Variants in ANO4 observed in about 807,000 individuals in gnomAD.
ANO4 encodes anoctamin 4.
ANO4 carries 69 observed loss-of-function variants against 141.9 expected under a neutral mutation model. The observed-to-expected ratio is 0.49, with a 90% CI of 0.40 to 0.59. ANO4 has a LOEUF of 0.59. Among genes scored for constraint, ANO4 ranks in the 20% least tolerant of loss-of-function variants. The probability of loss-of-function intolerance (pLI) is 0.00; values close to 1 mark genes in which losing one functional copy is unlikely to be tolerated. For synonymous variants in ANO4, 350 were observed against 394.3 expected (o/e 0.89, Z 1.33); for missense variants, 894 against 1,162.2 (o/e 0.77, Z 3.36).
intron 1 of ANO4, among the ~76,000 whole-genome samples, chr12:100,726,960 A>ACCCCCCCCCCC (rs535734069): frequency 2.1e-5 from 3 of 141,704 alleles, no homozygotes; most frequent in East Asian, 4.6e-4. Flanking sequence ...TTGCCCCGGG[A>ACCCCCCCCCCC]CCCCCCCCGC....
At chr12:100,760,006 G>A (rs1307261667) in intron 3 of ANO4, among the ~76,000 whole-genome samples, 1 of 152,198 alleles carries the variant, frequency 6.6e-6, no homozygotes, top group Non-Finnish European at 1.5e-5. Flanking sequence ...GCAGACATCA[G>A]ACATGACTGA....
rs1555250833 is a variant in ANO4 at position 100,919,702 on chromosome 12, G to GTA, written c.56-2523_56-2522insAT. ...TGTGTGTGTGTGTGTGTGTGTGTGT[G>GTA]TGTATGTATGTATGTATGTATGTGT... On this transcript the variant is annotated intron_variant, in intron 2 of 27. Coordinates refer to ENST00000392977, the MANE Select transcript of ANO4 (RefSeq NM_001286615.2). 5.4e-3 allele frequency among the ~76,000 whole-genome samples: 722 copies of GTA among 133,872 alleles called. 7 individuals carry two copies. The highest frequency in any genetic ancestry group is 0.018 in the African/African-American group (587 of 32,958). The allele number at this position is 133,872 out of a possible 152,430, so 87.8% of individuals were successfully genotyped here. A position where few individuals can be genotyped will look rare whatever the true frequency, so the allele number is the denominator to read the frequency against.
chr12:100,859,474 T>C lies in ANO4; in HGVS notation c.-140-42172T>C, dbSNP rs1439099043. Reference sequence around the variant, plus strand: ...CACTGAGATTTGGGGAGTAATGTTATGGTGGCAGAATCTAGTCTGTCCTGA... The same window carrying C: ...CACTGAGATTTGGGGAGTAATGTTACGGTGGCAGAATCTAGTCTGTCCTGA... On this transcript the variant is annotated intron_variant, in intron 1 of 27. Transcript: ENST00000392977. 2.6e-5 allele frequency among the ~76,000 whole-genome samples: 4 copies of C among 152,148 alleles called. No individual in the cohort carries two copies. In the East Asian group the frequency reaches 7.7e-4, roughly 29 times the overall value.
intron 1 of ANO4, among the ~76,000 whole-genome samples, chr12:100,720,100 G>C (rs1023040005): frequency 2.0e-5 from 3 of 152,136 alleles, no homozygotes; most frequent in African/African-American, 7.2e-5. Flanking sequence ...ATGAGACTAA[G>C]GATGGGAGAC....
chr12:100,962,243 G>T (rs1276428339), intron 5 of ANO4, among the ~76,000 whole-genome samples: 3 of 152,128 alleles, frequency 2.0e-5, no homozygotes, highest in African/African-American at 7.2e-5. Context: ...TCGAAGTCTC[G>T]ATCACAAGAT....
At chr12:100,722,798 T>C (rs2059775) in intron 1 of ANO4, among the ~76,000 whole-genome samples, 135,147 of 152,182 alleles carry the variant, frequency 0.89, 60,190 homozygotes, top group East Asian at 1. Context: ...GTACACCATG[T>C]GGAAGTTTTA....
At chr12:101,068,377 A>T in intron 14 of ANO4, 1 of 1,026,270 alleles carries the variant, frequency 9.7e-7, no homozygotes. Flanking sequence ...TGACCAAAGA[A>T]GAATTTGCCA....
At chr12:100,748,303 T>C (rs998829729) in intron 3 of ANO4, among the ~76,000 whole-genome samples, 1 of 152,184 alleles carries the variant, frequency 6.6e-6, no homozygotes, top group Non-Finnish European at 1.5e-5. Flanking sequence ...CCGCAGACAG[T>C]GACCCTGCAA....
intron 2 of ANO4, among the ~76,000 whole-genome samples, chr12:100,915,633 C>T (rs2041302760): frequency 6.6e-6 from 1 of 152,002 alleles, no homozygotes; most frequent in African/African-American, 2.4e-5. Context: ...AGCCTAGGCC[C>T]CAAACCTGGA....
chr12:101,040,647 C>CAGAA (rs2047376472), intron 11 of ANO4, among the ~76,000 whole-genome samples: 1 of 152,088 alleles, frequency 6.6e-6, no homozygotes, highest in African/African-American at 2.4e-5. Flanking sequence ...GTTACATGTG[C>CAGAA]AGAACATGCA....
rs551886533 is a variant in ANO4 at position 100,935,709 on chromosome 12, C to G, written c.161-3606C>G. Among the ~76,000 whole-genome samples, 160 of 152,296 alleles carry G rather than the reference C, an allele frequency of 1.1e-3. 2 individuals carry two copies. The highest frequency in any genetic ancestry group is 3.8e-3 in the African/African-American group (156 of 41,564). On this transcript the variant is annotated intron_variant, in intron 3 of 27. Coordinates refer to ENST00000392977, the MANE Select transcript of ANO4 (RefSeq NM_001286615.2). ...GCCATGCCTGGGCTCTCCAGTACTT[C>G]AGCCCCGGTTCCTAGCTCAGCTCAG...
chr12:100,731,507 C>T (rs551692434), intron 1 of ANO4, among the ~76,000 whole-genome samples: 5 of 152,228 alleles, frequency 3.3e-5, no homozygotes, highest in African/African-American at 4.8e-5. Context: ...TACATCAACA[C>T]GTCATAATCA....
chr12:100,737,620 A>G (rs1388236759), intron 2 of ANO4, among the ~76,000 whole-genome samples: 1 of 152,110 alleles, frequency 6.6e-6, no homozygotes, highest in Non-Finnish European at 1.5e-5. Flanking sequence ...GGGAGGGAGG[A>G]GGGGAATGAT....
chr12:100,776,372 G>C (rs1222071110), intron 3 of ANO4, among the ~76,000 whole-genome samples: 1 of 152,158 alleles, frequency 6.6e-6, no homozygotes, highest in Non-Finnish European at 1.5e-5. Flanking sequence ...CGACCCCAGA[G>C]CTTGGATAAG....
At chr12:101,117,844 C>T (rs2050916675) in intron 25 of ANO4, among the ~76,000 whole-genome samples, 1 of 152,178 alleles carries the variant, frequency 6.6e-6, no homozygotes, top group South Asian at 2.1e-4. Context: ...TTCAGTCCCT[C>T]ATCTTACAGA....
intron 18 of ANO4, among the ~76,000 whole-genome samples, chr12:101,095,488 C>G (rs2049945858): frequency 6.6e-6 from 1 of 152,176 alleles, no homozygotes; most frequent in South Asian, 2.1e-4. Context: ...AAGTGAAACC[C>G]TTTAAGAAAA....
At chr12:100,793,255 C>T (rs1245093882), upstream of ANO4, among the ~76,000 whole-genome samples, 1 of 152,250 alleles carries the variant, frequency 6.6e-6, no homozygotes, top group Non-Finnish European at 1.5e-5. Context: ...GAATCAAAGT[C>T]TCCCAGGTTT....
chr12:100,803,790 G>A (rs1379594069), intron 1 of ANO4, among the ~76,000 whole-genome samples: 1 of 152,116 alleles, frequency 6.6e-6, no homozygotes, highest in African/African-American at 2.4e-5. Flanking sequence ...AGTGATAAAT[G>A]AAATAGTCCA....
chr12:100,841,099 A>G (rs1208498231), intron 1 of ANO4, among the ~76,000 whole-genome samples: 2 of 152,192 alleles, frequency 1.3e-5, no homozygotes, highest in African/African-American at 4.8e-5. Flanking sequence ...CTCATCATAT[A>G]GTTACTGAAC....
Sources: allele counts gnomAD v4.1 joint callset (sites outside exome capture counted in the v4.1 genomes callset), GRCh38; gene constraint gnomAD v4.1.1; transcripts MANE v1.5; gene names NCBI Gene and HGNC (gene_info 2026-07-23, HGNC 2026-07-21).